Variants in SLC30A2 observed in about 807,000 individuals in gnomAD.
SLC30A2 encodes the protein proton-coupled zinc antiporter SLC30A2.
SLC30A2 carries 19 observed loss-of-function variants against 39.6 expected under a neutral mutation model. That is an observed-to-expected ratio of 0.48 (90% confidence interval 0.34 to 0.70). SLC30A2 has a LOEUF of 0.70. SLC30A2 is among the 30% of genes least tolerant of loss of function. The probability of loss-of-function intolerance (pLI) is 0.01; values close to 1 mark genes in which losing one functional copy is unlikely to be tolerated. For synonymous variants in SLC30A2, 195 were observed against 194.8 expected, an observed-to-expected ratio of 1.00 and a Z score of -0.01; for missense variants, 387 against 479.4, an observed-to-expected ratio of 0.81 and a Z score of 1.80.
chr1:26,039,172 G>C lies in SLC30A2; in HGVS notation c.1107C>G (p.Gly369=). ...CCTGGCTGAGCAGTCAGTCTGAGGG[G>C]CCCTGGCATGCCTGACAGTCCTTCA... ...EDMKDCQACQ[G]PSD The change falls in exon 8 of 8, where the codon GGC becomes GGG. Residue 369 remains glycine (G), a synonymous_variant. Coordinates refer to ENST00000374276, the MANE Select transcript of SLC30A2 (RefSeq NM_001004434.3). The surrounding 1 kb of genome is among the most constrained non-coding windows in gnomAD (Gnocchi z 4.3). The C allele has an allele frequency of 6.2e-7, 1 of 1,613,910 alleles. No homozygotes were observed. The highest frequency in any genetic ancestry group is 8.5e-7 in the Non-Finnish European group (1 of 1,179,808).
At chr1:26,045,643 C>A (rs1287934900) in intron 1 of SLC30A2, among the ~76,000 whole-genome samples, 1 of 152,168 alleles carries the variant, frequency 6.6e-6, no homozygotes, top group Non-Finnish European at 1.5e-5. Context: ...CCCCCGCGGG[C>A]AGGGGTCAGA....
rs1419104140 is a variant in SLC30A2, at chr1:26,038,121, C to T, written c.*1039G>A. On this transcript the variant is annotated 3_prime_UTR_variant, in exon 8 of 8. Transcript: ENST00000374276. The stretch of plus-strand genomic sequence containing the variant: ...GGGGCAGAGGCCAGCTCGCCCAAGG[C>T]ACTTGCTTACAATGGCAGAGACAGA... The T allele has an allele frequency of 2.0e-5, 3 of 152,240 alleles. No homozygotes were observed. Among genetic ancestry groups the T allele is most frequent in the Admixed American group, 6.5e-5 (1 of 15,290 alleles). 9.4% of individuals were successfully genotyped at this position (152,240 alleles called of 1,614,324 possible). A position where few individuals can be genotyped will look rare whatever the true frequency, so the allele number is the denominator to read the frequency against.
At chr1:26,040,916 A>ACC (rs57176480) in intron 6 of SLC30A2, among the ~76,000 whole-genome samples, 2,633 of 146,260 alleles carry the variant, frequency 0.018, 37 homozygotes, top group African/African-American at 0.043. Context: ...ACATAGTGAG[A>ACC]CCCCCCCCCC....
intron 4 of SLC30A2, among the ~76,000 whole-genome samples, 193 bp downstream of exon 4, chr1:26,043,205 T>C (rs918425703): frequency 4.6e-5 from 7 of 152,184 alleles, no homozygotes; most frequent in Non-Finnish European, 7.3e-5. Flanking sequence ...GATTTACAGC[T>C]CCCAGTGTTC....
At chr1:26,042,508 A>C (rs745912244) in intron 5 of SLC30A2, 41 bp downstream of exon 5, 19 of 1,578,264 alleles carry the variant, frequency 1.2e-5, no homozygotes, top group South Asian at 1.1e-5. Flanking sequence ...GGTGGTCTAC[A>C]CTCCCCTGCC....
rs1569712460 is a variant in SLC30A2, at chr1:26,046,021, C to A, written c.-125G>T. On this transcript the variant is annotated 5_prime_UTR_variant, in exon 1 of 8. Transcript: ENST00000374276. The surrounding 1 kb of genome is among the most constrained non-coding windows in gnomAD (Gnocchi z 4.4). The stretch of plus-strand genomic sequence containing the variant: ...GAGGGCCCCGCGAGGTGCGCTCACT[C>A]CGGCCCGGCTCCTGCGGCCCCTGAG... 1.4e-6 allele frequency: 2 copies of A among 1,406,076 alleles called. No homozygotes were observed. Among genetic ancestry groups the A allele is most frequent in the East Asian group, 2.9e-5 (1 of 34,146 alleles). 87.1% of individuals were successfully genotyped at this position (1,406,076 alleles called of 1,614,324 possible). A position where few individuals can be genotyped will look rare whatever the true frequency, so the allele number is the denominator to read the frequency against.
chr1:26,044,287 G>T lies in SLC30A2; in HGVS notation c.418+11C>A, dbSNP rs375365424. 48 of 1,613,418 alleles carry T rather than the reference G, an allele frequency of 3.0e-5. No individual in the cohort carries two copies. In the African/African-American group the frequency reaches 6.0e-4, roughly 20 times the overall value. On this transcript the variant is annotated intron_variant, in intron 3 of 7. Coordinates refer to ENST00000374276, the MANE Select transcript of SLC30A2 (RefSeq NM_001004434.3). ...TCTCAACCCCATCTCCAGCCAAACC[G>T]CGATCCTCACCAGCTCTCTGCCAGC... is the stretch of plus-strand genomic sequence containing the variant.
At chr1:26,041,657 T>C (rs372502581) in intron 6 of SLC30A2, 43 bp downstream of exon 6, 48 of 1,187,136 alleles carry the variant, frequency 4.0e-5, no homozygotes, top group Non-Finnish European at 5.6e-5. Flanking sequence ...TGATTAGCGC[T>C]TGAGAGCCAA....
chr1:26,041,201 G>C (rs1378782126), intron 6 of SLC30A2, among the ~76,000 whole-genome samples: 1 of 152,170 alleles, frequency 6.6e-6, no homozygotes, highest in Non-Finnish European at 1.5e-5. Context: ...GTCCCCACAG[G>C]GTGTGGCATT....
chr1:26,045,822 G>T, intron 1 of SLC30A2, 25 bp downstream of exon 1: 2 of 1,613,500 alleles, frequency 1.2e-6, no homozygotes, highest in Non-Finnish European at 1.7e-6. Context: ...CAAAATTCCC[G>T]CCCGTCCCCA....
chr1:26,041,604 C>G, intron 6 of SLC30A2, 96 bp downstream of exon 6: 1 of 755,346 alleles, frequency 1.3e-6, no homozygotes, highest in South Asian at 1.6e-5. Context: ...GCTCCCCGCC[C>G]ATGTGCTAGG....
rs57176480 is a variant in SLC30A2 at position 26,040,916 on chromosome 1, A to ACCCC, written c.838+780_838+783dup. Among the ~76,000 whole-genome samples, 75 of 146,494 alleles carry ACCCC rather than the reference A, an allele frequency of 5.1e-4. 2 individuals carry two copies. The highest frequency in any genetic ancestry group is 9.5e-4 in the Admixed American group (14 of 14,706). ...AGACCAGCCAGGGCAACATAGTGAG[A>ACCCC]CCCCCCCCCCATCTCTACAAACATT... On this transcript the variant is annotated intron_variant, in intron 6 of 7. Coordinates refer to ENST00000374276, the MANE Select transcript of SLC30A2 (RefSeq NM_001004434.3).
intron 2 of SLC30A2, 32 bp downstream of exon 2, chr1:26,044,965 C>G (rs1309804601): frequency 5.1e-6 from 8 of 1,580,196 alleles, no homozygotes; most frequent in Non-Finnish European, 7.0e-6. Flanking sequence ...ATCCATGCAC[C>G]AACTTCATTT....
At chr1:26,043,259 A>G in intron 4 of SLC30A2, 139 bp downstream of exon 4, 4 of 887,874 alleles carry the variant, frequency 4.5e-6, no homozygotes, top group Non-Finnish European at 7.0e-6. Context: ...CAGGTGCCAG[A>G]GCTCAGACCA....
intron 4 of SLC30A2, 27 bp from the exon 5 acceptor site, chr1:26,042,735 GCTCA>G: frequency 6.2e-7 from 1 of 1,607,086 alleles, no homozygotes; most frequent in South Asian, 1.1e-5. Flanking sequence ...AAAGCCAAGG[GCTCA>G]CTGAGGTCGC....
At position 26,042,585 on chromosome 1, in the gene SLC30A2, C is replaced by A; in HGVS notation, c.696G>T (p.Met232Ile). 6.2e-7 allele frequency: 1 copy of A among 1,614,174 alleles called. No homozygotes were observed. Among genetic ancestry groups the A allele is most frequent in the Non-Finnish European group, 8.5e-7 (1 of 1,180,022 alleles). Reference protein sequence around the residue: ...IHVIGDFMQSMGVLVAAYILY... With the variant: ...IHVIGDFMQSIGVLVAAYILY... ...AAATATAGGCTGCCACTAGGACACC[C>A]ATGCTCTGCATAAAGTCGCCGATCA... The change falls in exon 5 of 8, where the codon ATG becomes ATT. Residue 232 changes from methionine (M) to isoleucine (I), a missense_variant. Met to Ile is a conservative substitution (Grantham distance 10). Transcript: ENST00000374276.
In SLC30A2 at chr1:26,039,852, C is replaced by A. The variant is rs761084393; in HGVS notation, c.898G>T (p.Val300Leu). Residue 300 changes from valine to leucine, a missense_variant, in exon 7 of 8, where the codon GTA becomes TTA. Coordinates refer to ENST00000374276, the MANE Select transcript of SLC30A2 (RefSeq NM_001004434.3). This position sits in a 1 kb window ranked among gnomAD's most constrained non-coding sequence, Gnocchi z 4.3. ...VRDLLLSVEG[V>L]EALHSLHIWA... ...ATATGCAGGCTGTGCAGGGCTTCTA[C>A]CCCCTCCACCGACAGCAGCAGATCA... is the stretch of plus-strand genomic sequence containing the variant. 1.2e-6 allele frequency: 2 copies of A among 1,614,036 alleles called. No individual in the cohort carries two copies. The highest frequency in any genetic ancestry group is 2.2e-5 in the East Asian group (1 of 44,870).
At position 26,039,336 on chromosome 1, in the gene SLC30A2, C is replaced by T; in HGVS notation, c.974-31G>A. On this transcript the variant is annotated intron_variant, in intron 7 of 7. Coordinates refer to ENST00000374276, the MANE Select transcript of SLC30A2 (RefSeq NM_001004434.3). The surrounding 1 kb of genome is among the most constrained non-coding windows in gnomAD (Gnocchi z 4.3). ...GGCCGAGAGGACACAGCGGGGGAAG[C>T]CATTTACTCTGGCCCTTTGGAACCA... 1 of 1,569,434 alleles carries T rather than the reference C, an allele frequency of 6.4e-7. No homozygotes were observed. Among genetic ancestry groups the T allele is most frequent in the South Asian group, 1.1e-5 (1 of 89,770 alleles).
Position 26,041,886 on chromosome 1 carries a change from T to C in SLC30A2, c.733-81A>G, listed in dbSNP as rs536480944. The C allele has an allele frequency of 8.5e-4, 702 of 823,058 alleles. 2 individuals carry two copies. The highest frequency in any genetic ancestry group is 7.5e-5 in the Non-Finnish European group (37 of 491,626). The allele number at this position is 823,058 out of a possible 1,614,324, so 51.0% of individuals were successfully genotyped here. A position where few individuals can be genotyped will look rare whatever the true frequency, so the allele number is the denominator to read the frequency against. ...CTTCTCCCCTCCCACCCAGCACTGC[T>C]GGGGAGAGGTGCTCTCTCTGCTGGG... On this transcript the variant is annotated intron_variant, in intron 5 of 7. Transcript: ENST00000374276.
Sources: allele counts gnomAD v4.1 joint callset (sites outside exome capture counted in the v4.1 genomes callset), GRCh38; gene constraint gnomAD v4.1.1; non-coding constraint Gnocchi (gnomAD v3.1); transcripts MANE v1.5; gene names NCBI Gene and HGNC (gene_info 2026-07-23, HGNC 2026-07-21).